Variants in BPTF observed in about 807,000 individuals in gnomAD.
BPTF encodes the protein nucleosome-remodeling factor subunit BPTF.
In BPTF, 18 loss-of-function variants were observed where a neutral mutation model predicts 292.5. That is an observed-to-expected ratio of 0.06 (90% CI 0.04 to 0.09). The LOEUF (loss-of-function observed/expected upper bound fraction) is 0.09. Ranked by LOEUF, BPTF falls within the 10% of genes least tolerant of loss-of-function variation. The pLI is 1.00. For synonymous variants in BPTF, 1,225 were observed against 1,251.9 expected (o/e 0.98, Z 0.45); for missense variants, 2,726 against 3,498.7 (o/e 0.78, Z 5.57).
intron 27 of BPTF, among the ~76,000 whole-genome samples, chr17:67,979,377 T>G (rs1191507601): frequency 2.6e-5 from 4 of 151,910 alleles, no homozygotes; most frequent in Non-Finnish European, 5.9e-5. Flanking sequence ...TGAAACCCTG[T>G]CTCTACTAAA....
At chr17:67,927,801 A>C (rs2064041061) in intron 15 of BPTF, among the ~76,000 whole-genome samples, 1 of 152,200 alleles carries the variant, frequency 6.6e-6, no homozygotes, top group Non-Finnish European at 1.5e-5. Flanking sequence ...TGTGGTATAG[A>C]GACATGAAAA....
intron 15 of BPTF, among the ~76,000 whole-genome samples, chr17:67,926,443 G>A (rs2147364262): frequency 6.8e-6 from 1 of 146,260 alleles, no homozygotes; most frequent in Non-Finnish European, 1.5e-5. Flanking sequence ...TCCTGCCTCA[G>A]CCTCCCGAGT....
At chr17:67,868,580 G>A (rs1263882129) in intron 3 of BPTF, among the ~76,000 whole-genome samples, 2 of 152,152 alleles carry the variant, frequency 1.3e-5, no homozygotes, top group Non-Finnish European at 2.9e-5. Flanking sequence ...TGACTATAGT[G>A]CCTTTTAAGT....
intron 7 of BPTF, among the ~76,000 whole-genome samples, chr17:67,897,273 G>T (rs1213532686): frequency 6.7e-6 from 1 of 148,842 alleles, no homozygotes; most frequent in African/African-American, 2.5e-5. Flanking sequence ...CCCGGGAGGC[G>T]GAGGTTGCGG....
intron 4 of BPTF, among the ~76,000 whole-genome samples, chr17:67,888,363 C>A (rs898179236): frequency 6.6e-5 from 10 of 151,748 alleles, no homozygotes; most frequent in African/African-American, 2.4e-4. Context: ...CCAAGGCGGG[C>A]GGATCACGAG....
At chr17:67,883,001 T>TAA (rs886889170) in intron 4 of BPTF, among the ~76,000 whole-genome samples, 110 of 94,670 alleles carry the variant, frequency 1.2e-3, no homozygotes, top group African/African-American at 3.5e-3. Context: ...AGACGTTGTC[T>TAA]AAAAAAAAAA....
chr17:67,909,647 A>C lies in BPTF; in HGVS notation c.2878A>C (p.Lys960Gln). The C allele has an allele frequency of 6.2e-7, 1 of 1,602,322 alleles. No individual in the cohort carries two copies. The highest frequency in any genetic ancestry group is 8.5e-7 in the Non-Finnish European group (1 of 1,176,578). Residue 960 changes from lysine (K) to glutamine (Q), a missense_variant, in exon 10 of 28, where the codon AAA (lysine) becomes CAA (glutamine). Transcript: ENST00000306378. ...DKRKCSRSPKKIKIEPDSEKD... is the reference protein window; with the variant it reads ...DKRKCSRSPKQIKIEPDSEKD... ...AAGAAAATGTTCACGAAGTCCAAAA[A>C]AAATAAAAATAGAGCCTGATTCTGA...
intron 11 of BPTF, among the ~76,000 whole-genome samples, chr17:67,916,162 G>A (rs2062972184): frequency 6.6e-6 from 1 of 152,172 alleles, no homozygotes; most frequent in Non-Finnish European, 1.5e-5. Context: ...CTCTGTCCAG[G>A]TCAGAGGATT....
At chr17:67,920,547 A>T (rs1233102506) in intron 13 of BPTF, among the ~76,000 whole-genome samples, 1 of 152,214 alleles carries the variant, frequency 6.6e-6, no homozygotes, top group East Asian at 1.9e-4. Context: ...TTCAGTGCTC[A>T]AGGTAGAGAT....
intron 1 of BPTF, among the ~76,000 whole-genome samples, chr17:67,828,878 T>C (rs1437116883): frequency 6.6e-6 from 1 of 152,222 alleles, no homozygotes. Context: ...CTTATCCTTA[T>C]ATGAAATTAT....
Position 67,946,124 on chromosome 17 carries a change from T to C in BPTF, c.7416T>C (p.Pro2472=), listed in dbSNP as rs782259191. Residue 2472 remains proline, a synonymous_variant, in exon 21 of 28, where the codon CCT becomes CCC. Transcript: ENST00000306378. ...GVPQQIKLQL[P]IQIQQSSAVQ... is the part of the protein sequence containing the mutation. ...CCCAGCAAATCAAACTCCAGTTACCTATCCAAATTCAGCAAAGCAGTGCTG... is the reference window on the plus strand; with the variant it reads ...CCCAGCAAATCAAACTCCAGTTACCCATCCAAATTCAGCAAAGCAGTGCTG... The C allele has an allele frequency of 1.9e-6, 3 of 1,614,168 alleles. No individual in the cohort carries two copies. Among genetic ancestry groups the C allele is most frequent in the South Asian group, 1.1e-5 (1 of 91,078 alleles).
At chr17:67,927,314 T>C (rs1403018990) in intron 15 of BPTF, among the ~76,000 whole-genome samples, 1 of 152,214 alleles carries the variant, frequency 6.6e-6, no homozygotes, top group Non-Finnish European at 1.5e-5. Flanking sequence ...GTGGTTATAT[T>C]GTTACTTATC....
intron 9 of BPTF, 151 bp downstream of exon 9, chr17:67,904,991 A>C: frequency 1.8e-6 from 1 of 545,842 alleles, no homozygotes; most frequent in Non-Finnish European, 3.0e-6. Context: ...CTAAAACCCT[A>C]AAACTTTAAA....
At chr17:67,931,865 A>C in intron 17 of BPTF, 46 bp from the exon 18 acceptor site, 1 of 1,443,082 alleles carries the variant, frequency 6.9e-7, no homozygotes, top group East Asian at 2.3e-5. Context: ...TTATACTTTA[A>C]TCTTTTTAAA....
At chr17:67,853,687 C>G (rs2058544432) in intron 1 of BPTF, among the ~76,000 whole-genome samples, 1 of 151,910 alleles carries the variant, frequency 6.6e-6, no homozygotes, top group African/African-American at 2.4e-5. Flanking sequence ...GTTAATCTCT[C>G]TAGGTAATTG....
intron 3 of BPTF, among the ~76,000 whole-genome samples, chr17:67,867,042 T>C (rs2145486671): frequency 6.6e-6 from 1 of 152,370 alleles, no homozygotes; most frequent in Middle Eastern, 3.4e-3. Flanking sequence ...CGTATAATCT[T>C]ATGTGATCAC....
Position 67,983,555 on chromosome 17 carries a change from G to A in BPTF, c.*1267G>A, listed in dbSNP as rs559899834. On this transcript the variant is annotated 3_prime_UTR_variant, in exon 28 of 28. Transcript: ENST00000306378. Reference sequence around the variant, plus strand: ...TGGTTTGTTTGTTTCTTCCACGTAAGGAAAAGTAGTGTAAACAGTAGCGAG... The same window carrying A: ...TGGTTTGTTTGTTTCTTCCACGTAAAGAAAAGTAGTGTAAACAGTAGCGAG... 2.6e-5 allele frequency: 4 copies of A among 152,720 alleles called. No individual in the cohort carries two copies. Among genetic ancestry groups the A allele is most frequent in the South Asian group, 2.1e-4 (1 of 4,828 alleles). The allele number at this position is 152,720 out of a possible 1,614,324, so 9.5% of individuals were successfully genotyped here.
At chr17:67,894,265 G>A in intron 7 of BPTF, 100 bp downstream of exon 7, 1 of 1,252,872 alleles carries the variant, frequency 8.0e-7, no homozygotes, top group Non-Finnish European at 1.1e-6. Flanking sequence ...AGGCCATATT[G>A]AAGACTTTAC....
chr17:67,920,371 C>T (rs544001860), intron 13 of BPTF, among the ~76,000 whole-genome samples: 39 of 152,320 alleles, frequency 2.6e-4, no homozygotes, highest in East Asian at 3.9e-4. Context: ...TATAATAATA[C>T]CTCTTGTAAT....
Sources: allele counts gnomAD v4.1 joint callset (sites outside exome capture counted in the v4.1 genomes callset), GRCh38; gene constraint gnomAD v4.1.1; transcripts MANE v1.5; gene names NCBI Gene and HGNC (gene_info 2026-07-23, HGNC 2026-07-21).